ARHGEF11: variants seen among roughly 807,000 people sequenced by gnomAD.
ARHGEF11 encodes the protein Rho guanine nucleotide exchange factor 11, also known as Rho guanine exchange factor (GEF) 11.
A neutral mutation model predicts 193.7 loss-of-function variants in ARHGEF11; 55 were observed. That is an observed-to-expected ratio of 0.28 (90% CI 0.23 to 0.36). ARHGEF11 has a LOEUF of 0.36. Ranked by LOEUF, ARHGEF11 falls within the 10% of genes least tolerant of loss-of-function variation. The pLI, the probability that ARHGEF11 is intolerant of heterozygous loss-of-function variation, is 1.00. For missense variants in ARHGEF11, 1,723 were observed against 2,005.6 expected, an observed-to-expected ratio of 0.86 and a Z score of 2.69; for synonymous variants, 693 against 768.0, an observed-to-expected ratio of 0.90 and a Z score of 1.62.
intron 21 of ARHGEF11, among the ~76,000 whole-genome samples, chr1:156,954,380 CAAAAAAAAAAAAAAAAAAAAAAAAA>C (rs559848711): frequency 6.7e-5 from 5 of 75,130 alleles, no homozygotes; most frequent in Admixed American, 1.6e-4. Flanking sequence ...ACTGTGTCTC[CAAAAAAAAAAAAAAAAAAAAAAAAA>C]AAAAAAAAAA....
chr1:156,950,792 T>A (rs1571208599), intron 22 of ARHGEF11, among the ~76,000 whole-genome samples: 1 of 152,334 alleles, frequency 6.6e-6, no homozygotes, highest in South Asian at 2.1e-4. Context: ...CAAGCATTAT[T>A]TCCCCCCACA....
In ARHGEF11 at chr1:157,044,545, C is replaced by A. The variant is rs1280459561; in HGVS notation, c.-215G>T. The A allele has an allele frequency of 1.2e-5, 5 of 430,876 alleles. No homozygotes were observed. Among genetic ancestry groups the A allele is most frequent in the African/African-American group, 8.1e-5 (4 of 49,322 alleles). The allele number at this position is 430,876 out of a possible 1,614,324, so 26.7% of individuals were successfully genotyped here. On this transcript the variant is annotated 5_prime_UTR_variant, in exon 1 of 41. Coordinates refer to ENST00000368194, the MANE Select transcript of ARHGEF11 (RefSeq NM_198236.3). ...CTTTCTCAGCCCCTCTTCCCCTCCC[C>A]CGCTTTAAAAAAAAAGAAAAGAAAA...
chr1:156,937,737 C>T (rs1187443556), intron 38 of ARHGEF11, among the ~76,000 whole-genome samples: 1 of 152,202 alleles, frequency 6.6e-6, no homozygotes, highest in African/African-American at 2.4e-5. Context: ...GAGCGATGAA[C>T]TCAAGGGAGA....
chr1:156,959,223 C>A, intron 15 of ARHGEF11, 81 bp from the exon 16 acceptor site: 1 of 1,174,308 alleles, frequency 8.5e-7, no homozygotes, highest in Non-Finnish European at 1.2e-6. Flanking sequence ...CATCTCAAGG[C>A]ATTTCAGCTC....
chr1:157,021,978 G>A (rs533804168), intron 1 of ARHGEF11, among the ~76,000 whole-genome samples: 70 of 152,220 alleles, frequency 4.6e-4, no homozygotes, highest in African/African-American at 1.3e-3. Flanking sequence ...TAAAAAGAGC[G>A]TCTGACAAAA....
At chr1:156,946,610 T>C in intron 28 of ARHGEF11, 52 bp downstream of exon 28, 1 of 1,612,886 alleles carries the variant, frequency 6.2e-7, no homozygotes, top group Non-Finnish European at 8.5e-7. Context: ...CAGGAGATCC[T>C]TGGTGACCTT....
At position 156,946,938 on chromosome 1, in the gene ARHGEF11, G is replaced by A. The variant is rs1231375268; in HGVS notation, c.2566C>T (p.Arg856Trp). 11 of 1,613,864 alleles carry A rather than the reference G, an allele frequency of 6.8e-6. No individual in the cohort carries two copies. Among genetic ancestry groups the A allele is most frequent in the Middle Eastern group, 1.7e-4 (1 of 5,920 alleles). ...GAGGGAGAAGTTTGGAGCCATACCC[G>A]GGCCAGCATGAGGTCACTGATCTCT... The part of the protein sequence containing the change: ...IKEISDLMLA[R>W]FDGPAREELQ... Residue 856 changes from arginine (R) to tryptophan (W), a missense_variant and splice_region_variant, in exon 27 of 41, where the codon CGG becomes TGG. Coordinates refer to ENST00000368194, the MANE Select transcript of ARHGEF11 (RefSeq NM_198236.3).
intron 6 of ARHGEF11, 115 bp downstream of exon 6, chr1:156,978,089 T>C: frequency 6.9e-7 from 1 of 1,455,086 alleles, no homozygotes; most frequent in Non-Finnish European, 9.2e-7. Context: ...TTCATATGTC[T>C]TTTGGCTTGT....
chr1:156,989,328 CAT>C (rs1267728357), intron 1 of ARHGEF11, among the ~76,000 whole-genome samples: 3 of 152,132 alleles, frequency 2.0e-5, no homozygotes, highest in Admixed American at 6.6e-5. Flanking sequence ...CTTGAAGCCA[CAT>C]GTCTAGTGCC....
At chr1:157,039,963 G>A (rs1672529938) in intron 1 of ARHGEF11, among the ~76,000 whole-genome samples, 1 of 152,192 alleles carries the variant, frequency 6.6e-6, no homozygotes, top group Non-Finnish European at 1.5e-5. Flanking sequence ...TAGGAGATTA[G>A]CTATGTGCTG....
chr1:157,019,643 C>A (rs766534405), intron 1 of ARHGEF11, among the ~76,000 whole-genome samples: 5 of 152,138 alleles, frequency 3.3e-5, no homozygotes, highest in Non-Finnish European at 5.9e-5. Flanking sequence ...AACAGATACA[C>A]AAATTACTCA....
At chr1:156,939,441 T>C in intron 37 of ARHGEF11, 107 bp downstream of exon 37, 1 of 1,523,392 alleles carries the variant, frequency 6.6e-7, no homozygotes, top group Middle Eastern at 1.8e-4. Flanking sequence ...AGGTCTCTGC[T>C]CACACGGTAC....
intron 32 of ARHGEF11, among the ~76,000 whole-genome samples, chr1:156,943,444 C>T (rs1201230018): frequency 2.0e-5 from 3 of 152,122 alleles, no homozygotes; most frequent in Non-Finnish European, 2.9e-5. Flanking sequence ...ATCTTACAGA[C>T]GAAGAAAGTG....
At chr1:156,938,382 T>G in intron 38 of ARHGEF11, 36 bp downstream of exon 38, 1 of 1,598,096 alleles carries the variant, frequency 6.3e-7, no homozygotes, top group South Asian at 1.1e-5. Context: ...CACTCCAGTC[T>G]TGGCCTGTCT....
chr1:156,999,760 T>C (rs1381352207), intron 1 of ARHGEF11, among the ~76,000 whole-genome samples: 1 of 152,174 alleles, frequency 6.6e-6, no homozygotes, highest in Admixed American at 6.5e-5. Context: ...CACAGGGACT[T>C]GCCAGGGCCG....
At chr1:157,021,094 A>G (rs1013026065) in intron 1 of ARHGEF11, among the ~76,000 whole-genome samples, 30 of 152,250 alleles carry the variant, frequency 2.0e-4, no homozygotes, top group Admixed American at 1.3e-4. Context: ...ATTCTCAGCA[A>G]TTACAGTCTC....
chr1:156,935,863 G>C lies in ARHGEF11; in HGVS notation c.*137C>G, dbSNP rs1023569171. 5.0e-6 allele frequency: 5 copies of C among 990,212 alleles called. No individual in the cohort carries two copies. The Admixed American group carries it at 1.2e-4, about 23-fold the overall frequency. 61.3% of individuals were successfully genotyped at this position (990,212 alleles called of 1,614,324 possible). A position where few individuals can be genotyped will look rare whatever the true frequency, so the allele number is the denominator to read the frequency against. On this transcript the variant is annotated 3_prime_UTR_variant, in exon 41 of 41. Coordinates refer to ENST00000368194, the MANE Select transcript of ARHGEF11 (RefSeq NM_198236.3). ...AAGCAACATGCGGGTCTCCCCCCGGGCCTTGGCTGGATCCTAGTTTCCCTA... is the reference window on the plus strand; with the variant it reads ...AAGCAACATGCGGGTCTCCCCCCGGCCCTTGGCTGGATCCTAGTTTCCCTA...
intron 1 of ARHGEF11, among the ~76,000 whole-genome samples, chr1:156,996,952 C>G (rs951946516): frequency 6.8e-6 from 1 of 147,710 alleles, no homozygotes; most frequent in Non-Finnish European, 1.5e-5. Flanking sequence ...ACCTCCAGTT[C>G]CTGGTCTTAT....
Position 156,947,285 on chromosome 1 carries a change from AG to A in ARHGEF11, c.2488+18del. The A allele has an allele frequency of 6.3e-7, 1 of 1,589,830 alleles. No individual in the cohort carries two copies. The highest frequency in any genetic ancestry group is 8.5e-7 in the Non-Finnish European group (1 of 1,170,522). On this transcript the variant is annotated intron_variant, in intron 26 of 40. Transcript: ENST00000368194. Reference sequence around the variant, plus strand: ...GAAGGGCAGCAGAAGAGGAGTCTGGAGGGGCACAGGCTCCTTACTGTGAATC... The same window carrying A: ...GAAGGGCAGCAGAAGAGGAGTCTGGAGGGCACAGGCTCCTTACTGTGAATC...
Sources: gnomAD v4.1 joint callset for allele counts (sites outside exome capture counted in the v4.1 genomes callset) on GRCh38, gnomAD v4.1.1 for gene constraint, MANE v1.5 for transcripts, NCBI Gene and HGNC (gene_info 2026-07-23, HGNC 2026-07-21) for gene names.